The following CWC22 variants were observed in gnomAD, a reference collection of about 807,000 sequenced individuals.
CWC22 encodes pre-mRNA-splicing factor CWC22 homolog.
In CWC22, 53 loss-of-function variants were observed where a neutral mutation model predicts 117.2. That is an observed-to-expected ratio of 0.45 (90% CI 0.36 to 0.57). The LOEUF is 0.57. Ranked by LOEUF, CWC22 falls within the 20% of genes least tolerant of loss-of-function variation. CWC22 has a pLI of 0.00. For missense variants in CWC22, 980 were observed against 1,068.8 expected, an observed-to-expected ratio of 0.92 and a Z score of 1.16; for synonymous variants, 360 against 355.6, an observed-to-expected ratio of 1.01 and a Z score of -0.14.
chr2:179,980,365 G>A (rs537455497), intron 5 of CWC22, among the ~76,000 whole-genome samples: 17 of 151,336 alleles, frequency 1.1e-4, no homozygotes, highest in East Asian at 7.8e-4. Context: ...TCTTAAATTC[G>A]GTTTTAATTT....
rs1005109136 is a variant in CWC22, at chr2:180,007,144, G to T, written c.-391C>A. ...TCCCGAGCACCGACGGTAGGAAGAA[G>T]GCGAATAGTGAAATATTTAAAAACT... On this transcript the variant is annotated 5_prime_UTR_variant, in exon 1 of 20. Coordinates refer to ENST00000410053, the MANE Select transcript of CWC22 (RefSeq NM_020943.3). The T allele has an allele frequency of 3.3e-5, 5 of 152,238 alleles. No individual in the cohort carries two copies. Among genetic ancestry groups the T allele is most frequent in the African/African-American group, 9.6e-5 (4 of 41,462 alleles). The allele number at this position is 152,238 out of a possible 1,614,324, so 9.4% of individuals were successfully genotyped here.
intron 19 of CWC22, among the ~76,000 whole-genome samples, chr2:179,948,611 A>C (rs1454295251): frequency 2.0e-5 from 3 of 152,200 alleles, no homozygotes; most frequent in African/African-American, 4.8e-5. Context: ...ACTAAGAACA[A>C]CACATTGTTT....
At position 179,945,648 on chromosome 2, in the gene CWC22, G is replaced by C; in HGVS notation, c.2208C>G (p.Asn736Lys). Residue 736 changes from asparagine to lysine, a missense_variant, in exon 20 of 20, where the codon AAC becomes AAG. Around this residue, in one of 3 missense-constraint regions of CWC22, gnomAD observed 306 missense variants for 296.8 expected, o/e 1.03. Transcript: ENST00000410053. ...RSKEVDKLIRNQQTNDRKQKE... is the reference protein window; with the variant it reads ...RSKEVDKLIRKQQTNDRKQKE... ...TTTGTTTCCTATCATTTGTTTGCTG[G>C]TTTCTGATCAATTTATCTACCTCTT... 6.2e-7 allele frequency: 1 copy of C among 1,611,580 alleles called. No individual in the cohort carries two copies. Among genetic ancestry groups the C allele is most frequent in the Non-Finnish European group, 8.5e-7 (1 of 1,179,502 alleles).
chr2:179,987,970 G>T (rs1687462549), intron 3 of CWC22, among the ~76,000 whole-genome samples: 1 of 152,168 alleles, frequency 6.6e-6, no homozygotes, highest in Admixed American at 6.5e-5. Flanking sequence ...GTTTCAGGAT[G>T]AAACTGTTCC....
At chr2:179,969,384 A>G (rs1004689652) in intron 11 of CWC22, among the ~76,000 whole-genome samples, 7 of 152,216 alleles carry the variant, frequency 4.6e-5, no homozygotes, top group Admixed American at 4.6e-4. Flanking sequence ...GAAACTCATT[A>G]TTATAACAGG....
At chr2:179,959,282 T>C (rs545021958) in intron 13 of CWC22, among the ~76,000 whole-genome samples, 200 bp from the exon 14 acceptor site, 9 of 152,268 alleles carry the variant, frequency 5.9e-5, no homozygotes, top group African/African-American at 2.2e-4. Context: ...AATCCTTGAA[T>C]TATGCTAAGT....
chr2:179,979,157 A>G (rs1687224803), intron 5 of CWC22, among the ~76,000 whole-genome samples: 1 of 152,130 alleles, frequency 6.6e-6, no homozygotes, highest in South Asian at 2.1e-4. Context: ...AAATCAGTAG[A>G]CTTTTTGGGA....
chr2:179,993,926 T>C (rs1297621069), intron 1 of CWC22, among the ~76,000 whole-genome samples: 1 of 152,148 alleles, frequency 6.6e-6, no homozygotes, highest in Non-Finnish European at 1.5e-5. Flanking sequence ...AAGAAATAAA[T>C]TTAATCCACA....
intron 1 of CWC22, among the ~76,000 whole-genome samples, chr2:180,005,529 T>C (rs896578081): frequency 2.0e-5 from 3 of 152,124 alleles, no homozygotes; most frequent in South Asian, 2.1e-4. Flanking sequence ...TGAGCCGAGA[T>C]AGCGCCACAG....
In CWC22 at chr2:179,995,420, T is replaced by C. The variant is rs193166841; in HGVS notation, c.-113-1966A>G. Reference sequence around the variant, plus strand: ...GAGTTACCATCTTAATAAGCCTATGTTATCAAAAGTCAAATAAAAAACATG... The same window carrying C: ...GAGTTACCATCTTAATAAGCCTATGCTATCAAAAGTCAAATAAAAAACATG... On this transcript the variant is annotated intron_variant, in intron 1 of 19. Transcript: ENST00000410053. Among the ~76,000 whole-genome samples the C allele has an allele frequency of 7.2e-5, 11 of 152,292 alleles. No individual in the cohort carries two copies. The East Asian group carries it at 1.9e-3, about 27-fold the overall frequency.
intron 13 of CWC22, among the ~76,000 whole-genome samples, chr2:179,959,733 T>C (rs1357737493): frequency 6.6e-6 from 1 of 152,048 alleles, no homozygotes; most frequent in Admixed American, 6.5e-5. Context: ...TTTATGTATC[T>C]AAACACACTA....
chr2:179,970,484 T>C lies in CWC22; in HGVS notation c.1210+17A>G, dbSNP rs752486898. 5.3e-5 allele frequency: 80 copies of C among 1,506,552 alleles called. No homozygotes were observed. Among genetic ancestry groups the C allele is most frequent in the Non-Finnish European group, 6.9e-5 (77 of 1,115,430 alleles). The allele number at this position is 1,506,552 out of a possible 1,614,324, so 93.3% of individuals were successfully genotyped here. On this transcript the variant is annotated intron_variant, in intron 11 of 19. Coordinates refer to ENST00000410053, the MANE Select transcript of CWC22 (RefSeq NM_020943.3). ...TCTACTTATCCAAACTAAATTATTT[T>C]ATAAAATTTTACATACCTTTCTTAA...
intron 19 of CWC22, among the ~76,000 whole-genome samples, chr2:179,949,676 C>A (rs543241373): frequency 6.6e-6 from 1 of 151,916 alleles, no homozygotes; most frequent in Admixed American, 6.6e-5. Flanking sequence ...TAGGTACATA[C>A]CCAGTAGAAA....
intron 6 of CWC22, among the ~76,000 whole-genome samples, chr2:179,975,563 T>C (rs965213907): frequency 1.8e-4 from 28 of 152,122 alleles, no homozygotes; most frequent in Non-Finnish European, 2.4e-4. Context: ...TTAGAACTAA[T>C]AAACTAATTT....
intron 11 of CWC22, among the ~76,000 whole-genome samples, chr2:179,969,255 T>C (rs995645721): frequency 6.6e-6 from 1 of 152,122 alleles, no homozygotes; most frequent in African/African-American, 2.4e-5. Context: ...AAGAGGTTCA[T>C]AAGAAAAGAA....
At chr2:179,969,905 T>C (rs1262563562) in intron 11 of CWC22, among the ~76,000 whole-genome samples, 1 of 152,268 alleles carries the variant, frequency 6.6e-6, no homozygotes, top group African/African-American at 2.4e-5. Context: ...TATCCTTCCA[T>C]AGAAAGGTAA....
At position 179,950,721 on chromosome 2, in the gene CWC22, C is replaced by T. The variant is rs1233769586; in HGVS notation, c.1931G>A (p.Arg644Gln). Residue 644 changes from arginine (R) to glutamine (Q), a missense_variant, in exon 19 of 20, where the codon CGG becomes CAG. This residue lies in a region of CWC22 where 115 missense variants were observed against 169.8 expected (regional missense o/e 0.68). Transcript: ENST00000410053. ...IGLGGLTDEL[R>Q]EHLKNTPKVI... ...CTTTGGTGTATTTTTGAGATGCTCC[C>T]GCAGTTCATCCCTAATTTAAAATAT... 3.7e-6 allele frequency: 6 copies of T among 1,612,800 alleles called. No homozygotes were observed. Among genetic ancestry groups the T allele is most frequent in the Non-Finnish European group, 5.1e-6 (6 of 1,179,152 alleles).
At chr2:179,978,365 T>G (rs981332447) in intron 5 of CWC22, 47 bp from the exon 6 acceptor site, 16 of 1,382,338 alleles carry the variant, frequency 1.2e-5, no homozygotes, top group East Asian at 2.8e-5. Context: ...ATTACAATAA[T>G]AAGAAGCTAT....
intron 5 of CWC22, among the ~76,000 whole-genome samples, chr2:179,979,163 T>G (rs1186899172): frequency 6.6e-6 from 1 of 152,186 alleles, no homozygotes; most frequent in African/African-American, 2.4e-5. Flanking sequence ...GTAGACTTTT[T>G]GGGATGATAT....
Sources: allele counts gnomAD v4.1 joint callset (sites outside exome capture counted in the v4.1 genomes callset), GRCh38; gene constraint gnomAD v4.1.1; regional missense constraint gnomAD v4.1.1; transcripts MANE v1.5; gene names NCBI Gene and HGNC (gene_info 2026-07-23, HGNC 2026-07-21).